Variants in ADAM17 observed in about 807,000 individuals in gnomAD.
The protein encoded by ADAM17 is disintegrin and metalloproteinase domain-containing protein 17.
A neutral mutation model predicts 96.7 loss-of-function variants in ADAM17; 39 were observed. That is an observed-to-expected ratio of 0.40 (90% CI 0.31 to 0.53). The LOEUF (loss-of-function observed/expected upper bound fraction) is 0.53, where lower values mean the gene tolerates loss of function less well. Ranked by LOEUF, ADAM17 falls within the 20% of genes least tolerant of loss-of-function variation. The pLI, the probability that ADAM17 is intolerant of heterozygous loss-of-function variation, is 0.44. For synonymous variants in ADAM17, 344 were observed against 359.2 expected, an observed-to-expected ratio of 0.96 and a Z score of 0.48; for missense variants, 777 against 1,013.2, an observed-to-expected ratio of 0.77 and a Z score of 3.17.
intron 4 of ADAM17, among the ~76,000 whole-genome samples, chr2:9,533,202 T>C (rs191064892): frequency 7.0e-6 from 1 of 141,940 alleles, no homozygotes; most frequent in African/African-American, 2.6e-5. Flanking sequence ...AAAAAAAAAA[T>C]GTAATCTGAG....
At chr2:9,493,039 A>C (rs1053928377) in intron 16 of ADAM17, 53 bp from the exon 17 acceptor site, 1 of 1,414,174 alleles carries the variant, frequency 7.1e-7, no homozygotes. Context: ...CACAAATCTA[A>C]AGTGAAATGC....
Position 9,555,560 on chromosome 2 carries a change from G to A in ADAM17, c.46C>T (p.Leu16=), listed in dbSNP as rs768569416. The stretch of plus-strand genomic sequence containing the variant: ...GGGTCATCCGGAGGTCGCGGCGCCA[G>A]CACGAAAGGAACCACGCTGGTCAGG... ...LFLTSVVPFV[L]APRPPDDPGF... is the part of the protein sequence containing the mutation. The change falls in exon 1 of 19, where the codon CTG becomes TTG. Residue 16 remains leucine (L), a synonymous_variant. Transcript: ENST00000310823. 1.2e-6 allele frequency: 2 copies of A among 1,602,444 alleles called. No individual in the cohort carries two copies. Among genetic ancestry groups the A allele is most frequent in the African/African-American group, 2.7e-5 (2 of 74,770 alleles).
At chr2:9,552,827 A>C (rs1572965664) in intron 1 of ADAM17, among the ~76,000 whole-genome samples, 1 of 152,190 alleles carries the variant, frequency 6.6e-6, no homozygotes, top group African/African-American at 2.4e-5. Flanking sequence ...ATTTTTGGTG[A>C]CCCATAGAGG....
chr2:9,503,123 G>C (rs1572900060), intron 12 of ADAM17, among the ~76,000 whole-genome samples: 1 of 148,034 alleles, frequency 6.8e-6, no homozygotes, highest in Non-Finnish European at 1.5e-5. Context: ...CTGGTCAACA[G>C]GGCGAGACTC....
At chr2:9,512,685 A>C (rs1663807461) in intron 10 of ADAM17, among the ~76,000 whole-genome samples, 1 of 152,180 alleles carries the variant, frequency 6.6e-6, no homozygotes, top group South Asian at 2.1e-4. Flanking sequence ...GGTCAAGGAG[A>C]ATCTGGACAG....
intron 10 of ADAM17, 99 bp from the exon 11 acceptor site, chr2:9,510,230 A>G: frequency 7.8e-7 from 1 of 1,274,150 alleles, no homozygotes; most frequent in Non-Finnish European, 1.1e-6. Context: ...CCTTATAATC[A>G]GATCAACAAG....
chr2:9,542,496 C>T lies in ADAM17; in HGVS notation c.230+657G>A, dbSNP rs146709774. ...CACCACCAGGCTGTGGGGTCCTGAACAAAATCTTTATCTCTTCATATATAA... is the reference window on the plus strand; with the variant it reads ...CACCACCAGGCTGTGGGGTCCTGAATAAAATCTTTATCTCTTCATATATAA... On this transcript the variant is annotated intron_variant, in intron 2 of 18. Transcript: ENST00000310823. 6.4e-3 allele frequency among the ~76,000 whole-genome samples: 978 copies of T among 152,228 alleles called. 6 individuals are homozygous for T. The highest frequency in any genetic ancestry group is 0.011 in the Non-Finnish European group (722 of 68,016).
chr2:9,533,111 C>A (rs1472822453), intron 4 of ADAM17, among the ~76,000 whole-genome samples: 1 of 151,946 alleles, frequency 6.6e-6, no homozygotes, highest in Admixed American at 6.6e-5. Context: ...ATCGCTTTAA[C>A]CTGGGAGGCA....
intron 1 of ADAM17, among the ~76,000 whole-genome samples, chr2:9,548,987 C>CT (rs1208104050): frequency 2.0e-5 from 3 of 152,322 alleles, no homozygotes; most frequent in South Asian, 2.1e-4. Flanking sequence ...TGGCCATTCA[C>CT]TTTAATGCAT....
At chr2:9,553,047 T>C (rs1331661541) in intron 1 of ADAM17, among the ~76,000 whole-genome samples, 1 of 152,178 alleles carries the variant, frequency 6.6e-6, no homozygotes. Flanking sequence ...TAACAAATTA[T>C]ATTGTAAGCT....
chr2:9,553,604 G>A (rs912454662), intron 1 of ADAM17, among the ~76,000 whole-genome samples: 4 of 150,982 alleles, frequency 2.6e-5, no homozygotes, highest in Admixed American at 2.6e-4. Flanking sequence ...GAACCCGGGA[G>A]GCGGAGGTTG....
chr2:9,524,849 C>T (rs1664453272), intron 6 of ADAM17, among the ~76,000 whole-genome samples: 1 of 152,124 alleles, frequency 6.6e-6, no homozygotes. Context: ...GAACAAAATG[C>T]TAATTACCTA....
intron 1 of ADAM17, among the ~76,000 whole-genome samples, chr2:9,551,519 G>A (rs1665590327): frequency 6.6e-6 from 1 of 152,132 alleles, no homozygotes; most frequent in Non-Finnish European, 1.5e-5. Flanking sequence ...GAGTGCAGTG[G>A]CGCGATCTCG....
intron 1 of ADAM17, among the ~76,000 whole-genome samples, chr2:9,547,563 T>C (rs1385002815): frequency 6.6e-6 from 1 of 152,078 alleles, no homozygotes; most frequent in Non-Finnish European, 1.5e-5. Context: ...GCATAACATA[T>C]GCTGAATTCC....
intron 10 of ADAM17, among the ~76,000 whole-genome samples, chr2:9,515,980 A>G (rs908437442): frequency 2.0e-5 from 3 of 152,042 alleles, no homozygotes; most frequent in Non-Finnish European, 4.4e-5. Context: ...GTTGCCCAGG[A>G]TGGGTCTCAA....
At chr2:9,543,330 C>T in intron 1 of ADAM17, 45 bp from the exon 2 acceptor site, 1 of 1,485,420 alleles carries the variant, frequency 6.7e-7, no homozygotes, top group East Asian at 2.4e-5. Context: ...ACCTAATAAT[C>T]AATTGTAGTA....
chr2:9,511,162 A>G (rs1159124284), intron 10 of ADAM17, among the ~76,000 whole-genome samples: 1 of 152,190 alleles, frequency 6.6e-6, no homozygotes, highest in East Asian at 1.9e-4. Context: ...TAAAAAAAAC[A>G]GTACGGATAG....
chr2:9,501,502 G>A (rs1007991852), intron 13 of ADAM17, among the ~76,000 whole-genome samples: 1 of 152,166 alleles, frequency 6.6e-6, no homozygotes, highest in Non-Finnish European at 1.5e-5. Flanking sequence ...GGAATATCAA[G>A]GGGATGAAGG....
intron 1 of ADAM17, 55 bp downstream of exon 1, chr2:9,555,454 T>C: frequency 6.9e-7 from 1 of 1,454,644 alleles, no homozygotes; most frequent in Non-Finnish European, 9.2e-7. Flanking sequence ...CCCCTGCTCT[T>C]CCCTCAAACG....
Sources: gnomAD v4.1 joint callset for allele counts (sites outside exome capture counted in the v4.1 genomes callset) on GRCh38, gnomAD v4.1.1 for gene constraint, MANE v1.5 for transcripts, NCBI Gene and HGNC (gene_info 2026-07-23, HGNC 2026-07-21) for gene names.